FGFR1: variants seen among roughly 807,000 people sequenced by gnomAD.
FGFR1 encodes the protein fibroblast growth factor receptor 1, also known as FGFR1/PLAG1 fusion.
FGFR1 carries 18 observed loss-of-function variants against 93.7 expected under a neutral mutation model. The ratio of observed to expected loss-of-function variants is 0.19; its 90% confidence interval spans 0.13 to 0.28. The LOEUF (loss-of-function observed/expected upper bound fraction) is 0.28. FGFR1 is among the 10% of genes least tolerant of loss of function. The probability of loss-of-function intolerance (pLI) is 1.00; values close to 1 mark genes in which losing one functional copy is unlikely to be tolerated. For missense variants in FGFR1, 731 were observed against 1,080.4 expected (o/e 0.68, Z 4.53); for synonymous variants, 448 against 429.3 (o/e 1.04, Z -0.54).
At position 38,428,407 on chromosome 8, in the gene FGFR1, A is replaced by G; in HGVS notation, c.387T>C (p.Asp129=). 1 of 1,613,868 alleles carries G rather than the reference A, an allele frequency of 6.2e-7. No individual in the cohort carries two copies. The highest frequency in any genetic ancestry group is 8.5e-7 in the Non-Finnish European group (1 of 1,179,984). Residue 129 remains aspartate, a synonymous_variant, in exon 4 of 18, where the codon GAT becomes GAC. Transcript: ENST00000447712. ...CCTCTGAAGAGGAGTCATCATCATC[A>G]TCATCATCCTCCGAGGAGGGGAGAG... ...SDALPSSEDD[D]DDDDSSSEEK... is the part of the protein sequence containing the mutation.
rs1012018980 is a variant in FGFR1 at position 38,468,066 on chromosome 8, G to A, written c.-174C>T. 3.6e-5 allele frequency: 8 copies of A among 223,796 alleles called. No individual in the cohort carries two copies. Among genetic ancestry groups the A allele is most frequent in the Non-Finnish European group, 6.2e-5 (7 of 112,042 alleles). 13.9% of individuals were successfully genotyped at this position (223,796 alleles called of 1,614,324 possible). A position where few individuals can be genotyped will look rare whatever the true frequency, so the allele number is the denominator to read the frequency against. On this transcript the variant is annotated 5_prime_UTR_variant, in exon 1 of 18. Coordinates refer to ENST00000447712, the MANE Select transcript of FGFR1 (RefSeq NM_023110.3). ...GTGCCCGCGTCCCCGGCTCCGGCCC[G>A]CCGCCCCCGGGCTCTGTTCGGGTCC...
chr8:38,415,992 G>A lies in FGFR1; in HGVS notation c.1732C>T (p.Pro578Ser), dbSNP rs1816409609. ...NLREYLQARR[P>S]PGLEYCYNPS... ...TTGTAGCAGTATTCCAGCCCTGGGG[G>A]CCTCCGGGCCTGCAGGTACTCCCGC... is the stretch of plus-strand genomic sequence containing the variant. Residue 578 changes from proline to serine, a missense_variant, in exon 13 of 18, where the codon CCC (proline) becomes TCC (serine). Coordinates refer to ENST00000447712, the MANE Select transcript of FGFR1 (RefSeq NM_023110.3). The A allele has an allele frequency of 1.9e-6, 3 of 1,613,964 alleles. No homozygotes were observed. Among genetic ancestry groups the A allele is most frequent in the Non-Finnish European group, 2.5e-6 (3 of 1,179,996 alleles).
At position 38,417,975 on chromosome 8, in the gene FGFR1, G is replaced by A. The variant is rs397515444; in HGVS notation, c.1447C>T (p.Pro483Ser). 7.4e-6 allele frequency: 12 copies of A among 1,614,104 alleles called. No homozygotes were observed. Among genetic ancestry groups the A allele is most frequent in the Non-Finnish European group, 1.0e-5 (12 of 1,180,052 alleles). The change falls in exon 11 of 18, where the codon CCC (proline) becomes TCC (serine). Residue 483 changes from proline to serine, a missense_variant. Around this residue, in one of 10 missense-constraint regions of FGFR1, gnomAD observed 5 missense variants for 21.8 expected, o/e 0.23. Transcript: ENST00000447712. ...LPRDRLVLGKPLGEGCFGQVV... is the reference protein window; with the variant it reads ...LPRDRLVLGKSLGEGCFGQVV... ...TGCCCAAAGCAGCCCTCTCCCAGGG[G>A]TTTGCCTAAGACCAGTCTTTCGGGG...
intron 2 of FGFR1, chr8:38,440,467 C>T (rs1827028688): frequency 1.1e-5 from 11 of 1,039,774 alleles, no homozygotes; most frequent in Non-Finnish European, 1.5e-5. Flanking sequence ...ATGGGGGGCA[C>T]AGGTATGTGT....
chr8:38,425,232 C>G (rs1820326085), intron 6 of FGFR1, among the ~76,000 whole-genome samples: 1 of 151,986 alleles, frequency 6.6e-6, no homozygotes, highest in Non-Finnish European at 1.5e-5. Context: ...CTTCGAATTC[C>G]TGGGCTCAAG....
intron 2 of FGFR1, among the ~76,000 whole-genome samples, chr8:38,431,654 G>C (rs926924923): frequency 3.9e-5 from 6 of 152,040 alleles, no homozygotes; most frequent in Admixed American, 6.6e-5. Context: ...GTTTCTCTTG[G>C]GGGGGCCAAG....
chr8:38,455,538 G>A (rs912583922), intron 2 of FGFR1, among the ~76,000 whole-genome samples: 10 of 152,204 alleles, frequency 6.6e-5, no homozygotes, highest in East Asian at 1.9e-4. Context: ...TGATCCACCC[G>A]CCTCAGCCTC....
Position 38,424,652 on chromosome 8 carries a change from T to G in FGFR1, c.793A>C (p.Lys265Gln), listed in dbSNP as rs754968289. 1 of 1,612,712 alleles carries G rather than the reference T, an allele frequency of 6.2e-7. No individual in the cohort carries two copies. Among genetic ancestry groups the G allele is most frequent in the South Asian group, 1.1e-5 (1 of 91,070 alleles). Residue 265 changes from lysine (K) to glutamine (Q), a missense_variant, in exon 7 of 18, where the codon AAA (lysine) becomes CAA (glutamine). Physicochemically the swap from Lys to Gln is moderately conservative, Grantham distance 53 (BLOSUM62 1). Coordinates refer to ENST00000447712, the MANE Select transcript of FGFR1 (RefSeq NM_023110.3). The surrounding 1 kb of genome is among the most constrained non-coding windows in gnomAD (Gnocchi z 4.3). ...PILQAGLPAN[K>Q]TVALGSNVEF... ...ACGTTGCTACCCAGGGCCACTGTTT[T>G]GTTGGCGGGCAACCCTGCTTGCAGG... is the stretch of plus-strand genomic sequence containing the variant.
At chr8:38,442,675 C>A (rs536606772) in intron 2 of FGFR1, among the ~76,000 whole-genome samples, 1 of 152,220 alleles carries the variant, frequency 6.6e-6, no homozygotes, top group East Asian at 1.9e-4. Context: ...CCAGCTGGGG[C>A]CTCTCGAACA....
chr8:38,441,680 G>A (rs1041110140), intron 2 of FGFR1, among the ~76,000 whole-genome samples: 8 of 152,192 alleles, frequency 5.3e-5, no homozygotes, highest in Non-Finnish European at 7.3e-5. Context: ...GAGGAGGGCC[G>A]TCCAAGCTCA....
chr8:38,426,930 T>A lies in FGFR1; in HGVS notation c.622-685A>T, dbSNP rs1820969828. Among the ~76,000 whole-genome samples, 1 of 152,208 alleles carries A rather than the reference T, an allele frequency of 6.6e-6. No individual in the cohort carries two copies. Among genetic ancestry groups the A allele is most frequent in the East Asian group, 1.9e-4 (1 of 5,178 alleles). On this transcript the variant is annotated intron_variant, in intron 5 of 17. Transcript: ENST00000447712. The surrounding 1 kb of genome is among the most constrained non-coding windows in gnomAD (Gnocchi z 4.1). ...GAGTTCAAGACCAGCCTGGCCAACA[T>A]GGGGAAACCCCGTCTCTACTAAAAA...
chr8:38,440,360 T>TCA, intron 2 of FGFR1: 1 of 1,599,362 alleles, frequency 6.3e-7, no homozygotes, highest in Non-Finnish European at 8.5e-7. Context: ...AAATCCCGGG[T>TCA]CACAGCTGCC....
chr8:38,411,917 C>T lies in FGFR1; in HGVS notation c.*1711G>A, dbSNP rs567642271. 2.0e-4 allele frequency: 46 copies of T among 229,408 alleles called. No individual in the cohort carries two copies. Among genetic ancestry groups the T allele is most frequent in the Non-Finnish European group, 3.5e-4 (41 of 115,730 alleles). 14.2% of individuals were successfully genotyped at this position (229,408 alleles called of 1,614,324 possible). ...ATACAGGAAGGACGATCTGGGGAGGCATACCAACAAGAAACGAAGCCAGGG... is the reference window on the plus strand; with the variant it reads ...ATACAGGAAGGACGATCTGGGGAGGTATACCAACAAGAAACGAAGCCAGGG... On this transcript the variant is annotated 3_prime_UTR_variant, in exon 18 of 18. Coordinates refer to ENST00000447712, the MANE Select transcript of FGFR1 (RefSeq NM_023110.3).
At chr8:38,440,448 G>C in intron 2 of FGFR1, 3 of 1,289,278 alleles carry the variant, frequency 2.3e-6, no homozygotes, top group Non-Finnish European at 3.2e-6. Context: ...TAGAAGGAGA[G>C]CTGCAAAAAT....
chr8:38,423,312 G>GTA (rs1819503861), intron 7 of FGFR1: 2 of 281,330 alleles, frequency 7.1e-6, no homozygotes, highest in African/African-American at 5.5e-5. Flanking sequence ...TTCCCTTTTA[G>GTA]TTTTTTTTTT....
At chr8:38,430,304 C>A in intron 2 of FGFR1, 1 of 266,458 alleles carries the variant, frequency 3.8e-6, no homozygotes, top group South Asian at 8.5e-5. Context: ...CGGAGTTGCC[C>A]CCTCCCCAGA....
At chr8:38,439,466 G>C (rs1264500661) in intron 2 of FGFR1, among the ~76,000 whole-genome samples, 1 of 152,082 alleles carries the variant, frequency 6.6e-6, no homozygotes, top group Non-Finnish European at 1.5e-5. Context: ...AAGAACACGA[G>C]GCAAAAGAGC....
intron 3 of FGFR1, chr8:38,428,789 G>A: frequency 8.1e-6 from 3 of 370,874 alleles, no homozygotes; most frequent in Non-Finnish European, 1.6e-5. Flanking sequence ...TTCTTTGGAC[G>A]GCTGACTATA....
chr8:38,418,693 T>G, intron 9 of FGFR1: 1 of 406,448 alleles, frequency 2.5e-6, no homozygotes, highest in Non-Finnish European at 4.6e-6. Flanking sequence ...TGCAAATACT[T>G]TGCCTTAGCT....
Sources: gnomAD v4.1 joint callset for allele counts (sites outside exome capture counted in the v4.1 genomes callset) on GRCh38, gnomAD v4.1.1 for gene constraint, gnomAD v4.1.1 regional missense constraint, Gnocchi (gnomAD v3.1) non-coding constraint, MANE v1.5 for transcripts, NCBI Gene and HGNC (gene_info 2026-07-23, HGNC 2026-07-21) for gene names.